Variants in ST3GAL2 observed in about 807,000 individuals in gnomAD.
ST3GAL2 encodes ST3 beta-galactoside alpha-2,3-sialyltransferase 2.
ST3GAL2 carries 16 observed loss-of-function variants against 37.5 expected under a neutral mutation model. That is an observed-to-expected ratio of 0.43 (90% CI 0.29 to 0.65). The LOEUF (loss-of-function observed/expected upper bound fraction) is 0.65, where lower values mean the gene tolerates loss of function less well. ST3GAL2 is among the 30% of genes least tolerant of loss of function. The pLI, the probability that ST3GAL2 is intolerant of heterozygous loss-of-function variation, is 0.17. For missense variants in ST3GAL2, 383 were observed against 487.8 expected, an observed-to-expected ratio of 0.79 and a Z score of 2.02; for synonymous variants, 238 against 202.9, an observed-to-expected ratio of 1.17 and a Z score of -1.47.
intron 1 of ST3GAL2, among the ~76,000 whole-genome samples, chr16:70,403,281 G>A (rs967972544): frequency 1.2e-4 from 19 of 152,310 alleles, no homozygotes; most frequent in African/African-American, 4.3e-4. Context: ...GAGATATGGA[G>A]GCTGTGGCCT....
At chr16:70,426,104 G>A (rs1304994632) in intron 1 of ST3GAL2, among the ~76,000 whole-genome samples, 2 of 150,546 alleles carry the variant, frequency 1.3e-5, no homozygotes, top group Admixed American at 6.6e-5. Flanking sequence ...GAACATGACC[G>A]TCAATATAGA....
intron 1 of ST3GAL2, among the ~76,000 whole-genome samples, chr16:70,411,010 G>T (rs2047634759): frequency 6.6e-6 from 1 of 151,994 alleles, no homozygotes; most frequent in Non-Finnish European, 1.5e-5. Context: ...TTTTCACCAG[G>T]AATTGGTTTG....
chr16:70,398,486 C>A lies in ST3GAL2; in HGVS notation c.45G>T (p.Leu15=). The change falls in exon 2 of 7, where the codon CTG becomes CTT. Residue 15 remains leucine (L), a synonymous_variant. Transcript: ENST00000342907. ...LRVWFLSVAF[L]LVFIMSLLFT... is the part of the protein sequence containing the mutation. ...AGAGCAGGGACATGATGAACACCAG[C>A]AGGAAGGCCACGGAGAGGAACCACA... 6.2e-7 allele frequency: 1 copy of A among 1,613,026 alleles called. No individual in the cohort carries two copies. Among genetic ancestry groups the A allele is most frequent in the Non-Finnish European group, 8.5e-7 (1 of 1,179,898 alleles).
intron 6 of ST3GAL2, 81 bp from the exon 7 acceptor site, chr16:70,381,943 A>AGAGGGGACGG: frequency 1.3e-6 from 2 of 1,563,728 alleles, no homozygotes; most frequent in Non-Finnish European, 1.7e-6. Flanking sequence ...GACAGGGAGG[A>AGAGGGGACGG]GAGGGGACGG....
At chr16:70,423,674 A>AT (rs60635060) in intron 1 of ST3GAL2, among the ~76,000 whole-genome samples, 9,111 of 127,982 alleles carry the variant, frequency 0.071, 1,047 homozygotes, top group African/African-American at 0.24. Context: ...TGACTCAATG[A>AT]TTTTTTTTTT....
intron 1 of ST3GAL2, among the ~76,000 whole-genome samples, chr16:70,430,028 A>ACC (rs953718418): frequency 1.3e-5 from 2 of 152,140 alleles, no homozygotes; most frequent in Admixed American, 6.5e-5. Flanking sequence ...AATCAGCTGC[A>ACC]CCCTCATGCC....
chr16:70,428,910 G>T (rs1318746111), intron 1 of ST3GAL2, among the ~76,000 whole-genome samples: 1 of 152,198 alleles, frequency 6.6e-6, no homozygotes, highest in Non-Finnish European at 1.5e-5. Context: ...ATGTAAAAGG[G>T]TGGGGGAGAA....
rs2047472657 is a variant in ST3GAL2 at position 70,390,062 on chromosome 16, AGGC to A, written c.534-1519_534-1517del. Among the ~76,000 whole-genome samples the A allele has an allele frequency of 2.0e-5, 3 of 151,332 alleles. No homozygotes were observed. In the South Asian group the frequency reaches 6.2e-4, roughly 31 times the overall value. On this transcript the variant is annotated intron_variant, in intron 3 of 6. Coordinates refer to ENST00000342907, the MANE Select transcript of ST3GAL2 (RefSeq NM_006927.4). ...CAGTCTCCCAAAGTGCTGGGATTACAGGCGTGAGCCACCACGCTCGGCCCTGTT... is the reference window on the plus strand; with the variant it reads ...CAGTCTCCCAAAGTGCTGGGATTACAGTGAGCCACCACGCTCGGCCCTGTT...
At chr16:70,411,380 A>G (rs1567673273) in intron 1 of ST3GAL2, among the ~76,000 whole-genome samples, 1 of 150,386 alleles carries the variant, frequency 6.6e-6, no homozygotes, top group Non-Finnish European at 1.5e-5. Flanking sequence ...ATTGCAATAA[A>G]AAATAAAAAA....
chr16:70,423,998 CAGTGAGCCA>C (rs2047733532), intron 1 of ST3GAL2, among the ~76,000 whole-genome samples: 1 of 151,764 alleles, frequency 6.6e-6, no homozygotes, highest in Non-Finnish European at 1.5e-5. Context: ...GCAGAGCTGG[CAGTGAGCCA>C]AGATCGTGCC....
At chr16:70,411,272 C>A (rs1012327320) in intron 1 of ST3GAL2, among the ~76,000 whole-genome samples, 1 of 151,844 alleles carries the variant, frequency 6.6e-6, no homozygotes, top group Non-Finnish European at 1.5e-5. Context: ...GTATTTCCAG[C>A]TACTCAGGAG....
chr16:70,400,558 C>T (rs909252400), intron 1 of ST3GAL2: 3 of 152,340 alleles, frequency 2.0e-5, no homozygotes, highest in African/African-American at 7.2e-5. Flanking sequence ...CATACAAGGC[C>T]TCTCAGGCTC....
At position 70,383,172 on chromosome 16, in the gene ST3GAL2, A is replaced by C. The variant is rs1193004701; in HGVS notation, c.759+18T>G. 1.9e-6 allele frequency: 3 copies of C among 1,612,604 alleles called. No individual in the cohort carries two copies. The highest frequency in any genetic ancestry group is 2.5e-6 in the Non-Finnish European group (3 of 1,179,694). On this transcript the variant is annotated intron_variant, in intron 5 of 6. Coordinates refer to ENST00000342907, the MANE Select transcript of ST3GAL2 (RefSeq NM_006927.4). ...CAGCACTGTTTCCACTGAGGTGGGG[A>C]AGAAGTGGGGAGCTTACCTTTTCTT...
intron 1 of ST3GAL2, among the ~76,000 whole-genome samples, chr16:70,410,596 TTAC>T (rs1432725991): frequency 3.3e-5 from 5 of 151,876 alleles, no homozygotes; most frequent in African/African-American, 9.7e-5. Context: ...GGAAATTATA[TTAC>T]TTTTTTTTTA....
intron 1 of ST3GAL2, among the ~76,000 whole-genome samples, chr16:70,423,975 A>T (rs1307328357): frequency 6.6e-6 from 1 of 151,400 alleles, no homozygotes; most frequent in East Asian, 2.0e-4. Context: ...GGAAAATGGC[A>T]TGAACTCGGG....
intron 1 of ST3GAL2, among the ~76,000 whole-genome samples, chr16:70,438,205 C>T (rs2151683950): frequency 6.6e-6 from 1 of 152,298 alleles, no homozygotes; most frequent in Admixed American, 6.5e-5. Flanking sequence ...CGGCAGGAAG[C>T]TAAGGGGAGA....
intron 1 of ST3GAL2, among the ~76,000 whole-genome samples, chr16:70,428,005 A>G (rs1043175575): frequency 2.0e-5 from 3 of 152,148 alleles, no homozygotes; most frequent in Non-Finnish European, 4.4e-5. Flanking sequence ...AGACCTCCCA[A>G]TGCTCTGGGG....
intron 3 of ST3GAL2, among the ~76,000 whole-genome samples, chr16:70,390,977 C>T (rs760567809): frequency 7.2e-5 from 11 of 152,198 alleles, no homozygotes; most frequent in Non-Finnish European, 1.5e-4. Context: ...ACTAGGAACA[C>T]AGGGAGCCAG....
chr16:70,429,111 C>T (rs1244141270), intron 1 of ST3GAL2, among the ~76,000 whole-genome samples: 1 of 152,206 alleles, frequency 6.6e-6, no homozygotes, highest in Non-Finnish European at 1.5e-5. Context: ...GCTGCAGGAG[C>T]CTGAGTTGTC....
Sources: allele counts gnomAD v4.1 joint callset (sites outside exome capture counted in the v4.1 genomes callset), GRCh38; gene constraint gnomAD v4.1.1; transcripts MANE v1.5; gene names NCBI Gene and HGNC (gene_info 2026-07-23, HGNC 2026-07-21).